SMIM36: variants seen among roughly 807,000 people sequenced by gnomAD.
The protein encoded by SMIM36 is small integral membrane protein 36.
intron 4 of SMIM36, among the ~76,000 whole-genome samples, chr17:55,460,561 T>C (rs2143238974): frequency 6.6e-6 from 1 of 151,912 alleles, no homozygotes; most frequent in Middle Eastern, 3.4e-3. Context: ...TACGTAAATT[T>C]AAAACATATA....
chr17:55,517,408 A>C, the SMIM36 span, among the ~76,000 whole-genome samples: 1 of 152,132 alleles, frequency 6.6e-6, no homozygotes, highest in African/African-American at 2.4e-5. Flanking sequence ...AAAATTAGCC[A>C]GGCATGGTGC....
intron 1 of SMIM36, among the ~76,000 whole-genome samples, chr17:55,509,055 A>G (rs190069403): frequency 3.9e-5 from 6 of 152,364 alleles, no homozygotes; most frequent in African/African-American, 1.4e-4. Flanking sequence ...TTCTGATAAA[A>G]TAAGAAACAA....
In SMIM36 at chr17:55,507,736, A is replaced by G. The variant is rs1390410829; in HGVS notation, c.*174+3143T>C. Among the ~76,000 whole-genome samples, 5 of 152,048 alleles carry G rather than the reference A, an allele frequency of 3.3e-5. No individual in the cohort carries two copies. In the South Asian group the frequency reaches 1.0e-3, roughly 32 times the overall value. On this transcript the variant is annotated intron_variant, in intron 1 of 4. Coordinates refer to ENST00000636752, the Ensembl canonical transcript of SMIM36. ...TAAAACTTAAAGTATAATAAAAAAAAAAAAAGAAAAAAAAAGAATGGTAAA... is the reference window on the plus strand; with the variant it reads ...TAAAACTTAAAGTATAATAAAAAAAGAAAAAGAAAAAAAAAGAATGGTAAA...
chr17:55,499,935 C>CAG (rs35187771), intron 1 of SMIM36, among the ~76,000 whole-genome samples: 78,982 of 151,618 alleles, frequency 0.52, 21,148 homozygotes, highest in African/African-American at 0.64. Flanking sequence ...AGCAAGTAAA[C>CAG]ATCATGCTGT....
intron 4 of SMIM36, among the ~76,000 whole-genome samples, chr17:55,459,814 T>C (rs1394288615): frequency 6.6e-6 from 1 of 151,930 alleles, no homozygotes; most frequent in African/African-American, 2.4e-5. Context: ...TTTGGCAGTA[T>C]GGCAAGACCC....
At chr17:55,468,612 A>G (rs1412986473) in intron 3 of SMIM36, among the ~76,000 whole-genome samples, 1 of 152,016 alleles carries the variant, frequency 6.6e-6, no homozygotes, top group Non-Finnish European at 1.5e-5. Context: ...TGGCAAGTCA[A>G]TTGCTGGGAT....
At chr17:55,482,982 C>A (rs1375914237) in intron 1 of SMIM36, among the ~76,000 whole-genome samples, 1 of 152,180 alleles carries the variant, frequency 6.6e-6, no homozygotes, top group Non-Finnish European at 1.5e-5. Flanking sequence ...CAAAAGTAGT[C>A]TAATAACATA....
Position 55,497,472 on chromosome 17 carries a change from G to C in SMIM36, c.*174+13407C>G, listed in dbSNP as rs560631669. On this transcript the variant is annotated intron_variant, in intron 1 of 4. Coordinates refer to ENST00000636752, the Ensembl canonical transcript of SMIM36. ...GTAGAGATGGGGTTTCTCCATGTTG[G>C]TCAGGCTGGTCTCGAACTCCTACCT... Among the ~76,000 whole-genome samples the C allele has an allele frequency of 3.9e-4, 59 of 152,152 alleles. 1 individual carries two copies. The highest frequency in any genetic ancestry group is 1.4e-3 in the African/African-American group (58 of 41,498).
chr17:55,528,536 T>C, the SMIM36 span, among the ~76,000 whole-genome samples: 1 of 150,148 alleles, frequency 6.7e-6, no homozygotes, highest in African/African-American at 2.4e-5. Context: ...CAAGGAAGTC[T>C]TTTTTTTTCT....
chr17:55,452,392 A>T (rs1272088810), intron 4 of SMIM36, among the ~76,000 whole-genome samples: 1 of 152,180 alleles, frequency 6.6e-6, no homozygotes, highest in Non-Finnish European at 1.5e-5. Context: ...CAGCAGAGTG[A>T]AGTTGCTAAC....
chr17:55,482,931 C>T (rs1256728028), intron 1 of SMIM36, among the ~76,000 whole-genome samples: 1 of 152,206 alleles, frequency 6.6e-6, no homozygotes, highest in Non-Finnish European at 1.5e-5. Flanking sequence ...ACTATAGCTT[C>T]AAGGTACATT....
chr17:55,501,401 T>TTATATATTATAGAATATAATATATTATA (rs1462289068), intron 1 of SMIM36, among the ~76,000 whole-genome samples: 2 of 18,152 alleles, frequency 1.1e-4, no homozygotes, highest in African/African-American at 6.6e-4. Context: ...ATATTATATA[T>TTATATATTATAGAATATAATATATTATA]TATTATATAT....
chr17:55,503,004 C>T (rs1001517489), intron 1 of SMIM36, among the ~76,000 whole-genome samples: 19 of 151,000 alleles, frequency 1.3e-4, no homozygotes, highest in African/African-American at 2.5e-4. Flanking sequence ...TGAAGTGAAG[C>T]GAGAAGGGAA....
At chr17:55,472,633 G>A (rs1909359306) in intron 3 of SMIM36, among the ~76,000 whole-genome samples, 2 of 152,226 alleles carry the variant, frequency 1.3e-5, no homozygotes, top group Admixed American at 6.5e-5. Context: ...AGCACTTTGG[G>A]AGGCTGAGGC....
chr17:55,457,855 G>T (rs1018077956), intron 4 of SMIM36, among the ~76,000 whole-genome samples: 1 of 152,076 alleles, frequency 6.6e-6, no homozygotes, highest in Non-Finnish European at 1.5e-5. Flanking sequence ...AAAAAATGTT[G>T]ACATCTGTAG....
chr17:55,486,421 C>T (rs9908046), intron 1 of SMIM36, among the ~76,000 whole-genome samples: 8,760 of 152,176 alleles, frequency 0.058, 303 homozygotes, highest in East Asian at 0.14. Context: ...CTCTCTATCT[C>T]TGGGTGCTCC....
At chr17:55,513,505 G>A (rs1377886691), upstream of SMIM36, among the ~76,000 whole-genome samples, 1 of 152,326 alleles carries the variant, frequency 6.6e-6, no homozygotes, top group South Asian at 2.1e-4. Flanking sequence ...AGCAAGTAGA[G>A]TTGTCTGTTG....
intron 3 of SMIM36, among the ~76,000 whole-genome samples, chr17:55,471,224 C>T (rs996664764): frequency 2.6e-5 from 4 of 152,190 alleles, no homozygotes; most frequent in African/African-American, 7.2e-5. Context: ...GGACAGGCCA[C>T]ACTACTTTGG....
At chr17:55,467,787 G>T (rs1413928003) in intron 3 of SMIM36, among the ~76,000 whole-genome samples, 1 of 152,204 alleles carries the variant, frequency 6.6e-6, no homozygotes, top group Non-Finnish European at 1.5e-5. Context: ...AGGCCTCTGA[G>T]CCCAAGCTAA....
Sources: gnomAD v4.1 joint callset for allele counts (sites outside exome capture counted in the v4.1 genomes callset) on GRCh38, gnomAD v4.1.1 for gene constraint, MANE v1.5 for transcripts, NCBI Gene and HGNC (gene_info 2026-07-23, HGNC 2026-07-21) for gene names.